The following SYT1 variants were observed in gnomAD, a reference collection of about 807,000 sequenced individuals.
SYT1 encodes synaptotagmin 1.
SYT1 carries 8 observed loss-of-function variants against 44.8 expected under a neutral mutation model. The ratio of observed to expected loss-of-function variants is 0.18; its 90% CI spans 0.10 to 0.32. The LOEUF (loss-of-function observed/expected upper bound fraction) is 0.32. SYT1 is among the 10% of genes least tolerant of loss of function. The pLI is 1.00. For synonymous variants in SYT1, 154 were observed against 188.8 expected (o/e 0.82, Z 1.51); for missense variants, 286 against 509.3 (o/e 0.56, Z 4.22).
intron 9 of SYT1, among the ~76,000 whole-genome samples, chr12:79,364,802 T>C (rs1202918419): frequency 6.6e-5 from 10 of 152,184 alleles, no homozygotes; most frequent in South Asian, 2.1e-4. Flanking sequence ...AATGCACATT[T>C]CGTGATAGTG....
At chr12:78,981,721 G>T (rs1869277407) in intron 2 of SYT1, among the ~76,000 whole-genome samples, 1 of 152,134 alleles carries the variant, frequency 6.6e-6, no homozygotes, top group Non-Finnish European at 1.5e-5. Flanking sequence ...TGCTGCCTTT[G>T]TGTGCACAGT....
intron 1 of SYT1, among the ~76,000 whole-genome samples, chr12:78,908,093 TA>T (rs1246698160): frequency 6.6e-6 from 1 of 151,984 alleles, no homozygotes; most frequent in Non-Finnish European, 1.5e-5. Context: ...AATCTTACTT[TA>T]TTTTTTTGTG....
intron 2 of SYT1, among the ~76,000 whole-genome samples, chr12:79,038,712 C>A (rs1265834159): frequency 6.6e-6 from 1 of 151,712 alleles, no homozygotes; most frequent in African/African-American, 2.4e-5. Context: ...AAATTTAAAC[C>A]TTAGGACTAG....
At chr12:79,213,146 A>G (rs760369974) in intron 3 of SYT1, among the ~76,000 whole-genome samples, 2 of 152,200 alleles carry the variant, frequency 1.3e-5, no homozygotes, top group Non-Finnish European at 2.9e-5. Flanking sequence ...TTTTAGTGAT[A>G]AAGAATAGAG....
intron 1 of SYT1, among the ~76,000 whole-genome samples, chr12:78,928,033 G>A (rs1038081117): frequency 5.1e-4 from 78 of 152,206 alleles, no homozygotes; most frequent in Admixed American, 5.0e-3. Context: ...AGTAATTCAT[G>A]CAATGTAAGA....
At chr12:79,150,213 T>C (rs572723522) in intron 3 of SYT1, among the ~76,000 whole-genome samples, 1 of 152,154 alleles carries the variant, frequency 6.6e-6, no homozygotes, top group East Asian at 1.9e-4. Context: ...CTAACTGTAG[T>C]CTCCAACAGA....
At chr12:79,398,514 G>A (rs1884954986) in intron 9 of SYT1, among the ~76,000 whole-genome samples, 1 of 152,108 alleles carries the variant, frequency 6.6e-6, no homozygotes, top group South Asian at 2.1e-4. Flanking sequence ...TCAGTAAATA[G>A]GTGCCGAATA....
intron 3 of SYT1, among the ~76,000 whole-genome samples, chr12:79,199,793 G>A (rs1421593188): frequency 1.3e-5 from 2 of 152,094 alleles, no homozygotes; most frequent in African/African-American, 4.8e-5. Context: ...ATTGTGCTGA[G>A]TATTGCAAAT....
intron 4 of SYT1, among the ~76,000 whole-genome samples, chr12:79,283,493 T>C (rs553148204): frequency 6.6e-6 from 1 of 152,162 alleles, no homozygotes; most frequent in East Asian, 1.9e-4. Context: ...TCTTGTCTTG[T>C]ACAATTTAAG....
At chr12:79,412,804 G>T (rs963571480) in intron 9 of SYT1, among the ~76,000 whole-genome samples, 7 of 152,138 alleles carry the variant, frequency 4.6e-5, no homozygotes, top group East Asian at 1.9e-4. Flanking sequence ...GTTTTACATT[G>T]TTACCCTACT....
intron 9 of SYT1, among the ~76,000 whole-genome samples, chr12:79,361,109 C>T (rs1370904256): frequency 1.3e-5 from 2 of 152,184 alleles, no homozygotes; most frequent in African/African-American, 4.8e-5. Flanking sequence ...TGTGAAAACT[C>T]CTCTGTGCCA....
chr12:79,328,611 C>T (rs1881711602), intron 8 of SYT1, among the ~76,000 whole-genome samples: 1 of 152,158 alleles, frequency 6.6e-6, no homozygotes, highest in African/African-American at 2.4e-5. Flanking sequence ...CTTTGGGAGG[C>T]TGAGGCGGGC....
At chr12:79,241,782 C>G (rs1876529555) in intron 4 of SYT1, among the ~76,000 whole-genome samples, 2 of 152,324 alleles carry the variant, frequency 1.3e-5, no homozygotes, top group South Asian at 4.1e-4. Flanking sequence ...CCCTTGGTAC[C>G]TATCTGCAAA....
intron 4 of SYT1, among the ~76,000 whole-genome samples, chr12:79,269,332 T>A (rs143292372): frequency 3.9e-5 from 6 of 152,206 alleles, no homozygotes; most frequent in African/African-American, 1.4e-4. Context: ...TCCTTTCTGC[T>A]CCACTGAATT....
intron 1 of SYT1, among the ~76,000 whole-genome samples, chr12:78,876,816 A>AT (rs1874137571): frequency 5.3e-5 from 5 of 94,466 alleles, no homozygotes; most frequent in African/African-American, 1.6e-4. Flanking sequence ...TGTAATACAT[A>AT]TCATATATTA....
chr12:79,179,384 ATC>A (rs1872280305), intron 3 of SYT1, among the ~76,000 whole-genome samples: 1 of 124,478 alleles, frequency 8.0e-6, no homozygotes, highest in African/African-American at 3.3e-5. Context: ...ATATAGATAT[ATC>A]GATATAGATA....
At chr12:79,284,673 T>C (rs775688588) in intron 4 of SYT1, among the ~76,000 whole-genome samples, 1 of 151,270 alleles carries the variant, frequency 6.6e-6, no homozygotes, top group Non-Finnish European at 1.5e-5. Flanking sequence ...CCGTATCTAC[T>C]AAAAAAAATA....
chr12:79,076,161 G>A (rs572982154), intron 3 of SYT1, among the ~76,000 whole-genome samples: 17 of 152,194 alleles, frequency 1.1e-4, no homozygotes, highest in Non-Finnish European at 2.4e-4. Context: ...TGATCTAATG[G>A]AACAAGCTGG....
intron 3 of SYT1, among the ~76,000 whole-genome samples, chr12:79,136,380 C>T (rs1247098754): frequency 6.6e-6 from 1 of 152,142 alleles, no homozygotes; most frequent in Non-Finnish European, 1.5e-5. Context: ...AAGAGTGAGG[C>T]TGGAATTGGA....
Sources: allele counts gnomAD v4.1 joint callset (sites outside exome capture counted in the v4.1 genomes callset), GRCh38; gene constraint gnomAD v4.1.1; transcripts MANE v1.5; gene names NCBI Gene and HGNC (gene_info 2026-07-23, HGNC 2026-07-21).